ERMAP: variants seen among roughly 807,000 people sequenced by gnomAD.
ERMAP encodes the protein erythroid membrane-associated protein.
In ERMAP, 34 loss-of-function variants were observed where a neutral mutation model predicts 49.5. The ratio of observed to expected loss-of-function variants is 0.69; its 90% confidence interval spans 0.52 to 0.91. The LOEUF (loss-of-function observed/expected upper bound fraction) is 0.91. ERMAP is among the 40% of genes least tolerant of loss of function. The pLI is 0.00. For synonymous variants in ERMAP, 214 were observed against 232.2 expected, an observed-to-expected ratio of 0.92 and a Z score of 0.71; for missense variants, 541 against 582.6, an observed-to-expected ratio of 0.93 and a Z score of 0.74.
Position 42,817,258 on chromosome 1 carries a change from T to G in ERMAP, c.-122+5T>G. ...GCAGACAACGCCTCCGGGAGGGTAA[T>G]CCTCGCCTTCCCCCGACCACTGGAC... On this transcript the variant is annotated splice_donor_5th_base_variant and intron_variant, in intron 1 of 11. Transcript: ENST00000372517. 8.0e-7 allele frequency: 1 copy of G among 1,247,622 alleles called. No individual in the cohort carries two copies. The highest frequency in any genetic ancestry group is 1.3e-5 in the South Asian group (1 of 76,704). 77.3% of individuals were successfully genotyped at this position (1,247,622 alleles called of 1,614,324 possible).
In ERMAP at chr1:42,835,073, G is replaced by T. The variant is rs759052832; in HGVS notation, c.469G>T (p.Ala157Ser). ...SVGSLSPSAV[A>S]LAVILPVLVL... Reference sequence around the variant, plus strand: ...GGGGAGTCTCTCCCCCTCAGCAGTGGCTCTGGCTGTGATCCTGCCTGTCCT... The same window carrying T: ...GGGGAGTCTCTCCCCCTCAGCAGTGTCTCTGGCTGTGATCCTGCCTGTCCT... Residue 157 changes from alanine (A) to serine (S), a missense_variant, in exon 5 of 12, where the codon GCT (alanine) becomes TCT (serine). Ala to Ser is a moderately conservative substitution (Grantham distance 99). Coordinates refer to ENST00000372517, the MANE Select transcript of ERMAP (RefSeq NM_001017922.2). 4.5e-6 allele frequency: 7 copies of T among 1,571,146 alleles called. No individual in the cohort carries two copies. The Admixed American group carries it at 1.2e-4, about 26-fold the overall frequency.
At chr1:42,838,960 G>A in intron 8 of ERMAP, 39 bp downstream of exon 8, 1 of 1,614,094 alleles carries the variant, frequency 6.2e-7, no homozygotes, top group Non-Finnish European at 8.5e-7. Context: ...AGCTCCTTCT[G>A]CTGACACTTT....
chr1:42,830,732 T>A, intron 3 of ERMAP, 36 bp from the exon 4 acceptor site: 1 of 1,491,568 alleles, frequency 6.7e-7, no homozygotes. Context: ...TCTCCTGCCG[T>A]CCCTCCCAGT....
intron 2 of ERMAP, among the ~76,000 whole-genome samples, chr1:42,828,499 T>A (rs12741432): frequency 0.094 from 6,308 of 67,364 alleles, 411 homozygotes; most frequent in African/African-American, 0.26. Flanking sequence ...TTTAAAAAAA[T>A]TTTTTTTTTT....
Position 42,842,615 on chromosome 1 carries a change from G to C in ERMAP, c.811G>C (p.Asp271His), listed in dbSNP as rs760936244. ...RLGDRRQPVP[D>H]NPQRFDFVVS... The stretch of plus-strand genomic sequence containing the variant: ...TGGAGACAGACGGCAGCCTGTACCT[G>C]ACAACCCCCAGAGATTTGATTTCGT... The change falls in exon 12 of 12, where the codon GAC becomes CAC. Residue 271 changes from aspartate (D) to histidine (H), a missense_variant. Coordinates refer to ENST00000372517, the MANE Select transcript of ERMAP (RefSeq NM_001017922.2). 1 of 1,614,136 alleles carries C rather than the reference G, an allele frequency of 6.2e-7. No individual in the cohort carries two copies. The highest frequency in any genetic ancestry group is 8.5e-7 in the Non-Finnish European group (1 of 1,180,014).
chr1:42,836,965 A>T, intron 6 of ERMAP, 193 bp from the exon 7 acceptor site: 1 of 566,906 alleles, frequency 1.8e-6, no homozygotes, highest in Non-Finnish European at 3.2e-6. Context: ...GACCAGAGGG[A>T]TTAAGACAGG....
Position 42,838,762 on chromosome 1 carries a change from G to A in ERMAP, c.617-139G>A, listed in dbSNP as rs1037715911. The A allele has an allele frequency of 3.1e-5, 42 of 1,359,244 alleles. No homozygotes were observed. In the Admixed American group the frequency reaches 7.7e-4, roughly 25 times the overall value. 84.2% of individuals were successfully genotyped at this position (1,359,244 alleles called of 1,614,324 possible). On this transcript the variant is annotated intron_variant, in intron 7 of 11. Transcript: ENST00000372517. ...ATCAGATTTCTGGGTCTGAACTCTG[G>A]GACACGGAGCTGGACTAGGGACATA...
rs1409946165 is a variant in ERMAP, at chr1:42,844,173, A to G, written c.*941A>G. 5.0e-6 allele frequency: 2 copies of G among 398,460 alleles called. No homozygotes were observed. The allele number at this position is 398,460 out of a possible 1,614,324, so 24.7% of individuals were successfully genotyped here. On this transcript the variant is annotated 3_prime_UTR_variant, in exon 12 of 12. Transcript: ENST00000372517. This position sits in a 1 kb window ranked among gnomAD's most constrained non-coding sequence, Gnocchi z 4.0. ...GACCATTGTACTGCAATACTTGAGTATTTGTGTAGCAAACAGCCTCTTAGG... is the reference window on the plus strand; with the variant it reads ...GACCATTGTACTGCAATACTTGAGTGTTTGTGTAGCAAACAGCCTCTTAGG...
intron 1 of ERMAP, among the ~76,000 whole-genome samples, chr1:42,818,367 G>A (rs1027806091): frequency 6.6e-6 from 1 of 152,266 alleles, no homozygotes; most frequent in Non-Finnish European, 1.5e-5. Context: ...AATGGTGACT[G>A]CCAGTGGCTA....
intron 4 of ERMAP, chr1:42,834,657 G>C (rs1570540644): frequency 8.8e-6 from 2 of 226,540 alleles, no homozygotes; most frequent in African/African-American, 4.7e-5. Flanking sequence ...CCGGGTTCAA[G>C]GGATTCTCCT....
intron 4 of ERMAP, among the ~76,000 whole-genome samples, chr1:42,831,576 T>C (rs1654739589): frequency 1.2e-5 from 1 of 83,282 alleles, no homozygotes. Flanking sequence ...TTTTTTTCTC[T>C]TTTTTTTTTT....
chr1:42,817,995 AAAGTT>A (rs1241045980), intron 1 of ERMAP, among the ~76,000 whole-genome samples: 1 of 152,244 alleles, frequency 6.6e-6, no homozygotes, highest in Non-Finnish European at 1.5e-5. Flanking sequence ...GAAGCATTGA[AAAGTT>A]AAGTGAGTTG....
chr1:42,836,892 G>C, intron 6 of ERMAP: 1 of 313,664 alleles, frequency 3.2e-6, no homozygotes, highest in Admixed American at 5.1e-5. Context: ...ATCCAGCCAG[G>C]GTGGCAGATT....
chr1:42,833,269 T>G (rs1004654644), intron 4 of ERMAP, among the ~76,000 whole-genome samples: 1 of 152,220 alleles, frequency 6.6e-6, no homozygotes, highest in Non-Finnish European at 1.5e-5. Context: ...GTAGAAAATT[T>G]GAAAAAAATC....
intron 1 of ERMAP, among the ~76,000 whole-genome samples, chr1:42,823,914 G>A (rs1039433460): frequency 6.6e-6 from 1 of 152,166 alleles, no homozygotes; most frequent in African/African-American, 2.4e-5. Context: ...GGCAAATAAC[G>A]TCTTTATTAT....
intron 1 of ERMAP, among the ~76,000 whole-genome samples, chr1:42,823,091 A>G (rs1329030141): frequency 6.6e-6 from 1 of 152,226 alleles, no homozygotes; most frequent in Non-Finnish European, 1.5e-5. Context: ...GGAGCATTTC[A>G]GTAGCTTTTT....
intron 4 of ERMAP, among the ~76,000 whole-genome samples, chr1:42,832,407 G>A (rs1321992354): frequency 6.6e-6 from 1 of 150,852 alleles, no homozygotes; most frequent in Non-Finnish European, 1.5e-5. Flanking sequence ...CACTCTTGTT[G>A]CCCAGGCTGG....
intron 11 of ERMAP, 141 bp from the exon 12 acceptor site, chr1:42,842,376 C>T (rs553955313): frequency 2.8e-5 from 19 of 671,976 alleles, no homozygotes; most frequent in Admixed American, 2.4e-4. Flanking sequence ...TTCCAGTACA[C>T]ATGGTGGGGG....
rs1441604763 is a variant in ERMAP at position 42,817,136 on chromosome 1, G to C, written c.-239G>C. 3.5e-5 allele frequency: 42 copies of C among 1,191,636 alleles called. No individual in the cohort carries two copies. The highest frequency in any genetic ancestry group is 5.9e-5 in the Admixed American group (2 of 34,100). The allele number at this position is 1,191,636 out of a possible 1,614,324, so 73.8% of individuals were successfully genotyped here. On this transcript the variant is annotated 5_prime_UTR_variant, in exon 1 of 12. Coordinates refer to ENST00000372517, the MANE Select transcript of ERMAP (RefSeq NM_001017922.2). Reference sequence around the variant, plus strand: ...CGCCTCCTGCCCTCTTCCCTCTCCTGGAGGAAAATGGCGGTCGCTGGAGCC... The same window carrying C: ...CGCCTCCTGCCCTCTTCCCTCTCCTCGAGGAAAATGGCGGTCGCTGGAGCC...
Sources: gnomAD v4.1 joint callset for allele counts (sites outside exome capture counted in the v4.1 genomes callset) on GRCh38, gnomAD v4.1.1 for gene constraint, Gnocchi (gnomAD v3.1) non-coding constraint, MANE v1.5 for transcripts, NCBI Gene and HGNC (gene_info 2026-07-23, HGNC 2026-07-21) for gene names.